CDH18: variants seen among roughly 807,000 people sequenced by gnomAD.
CDH18 encodes the protein cadherin 18, also known as cadherin-18.
In CDH18, 31 loss-of-function variants were observed where a neutral mutation model predicts 67.9. That is an observed-to-expected ratio of 0.46 (90% confidence interval 0.34 to 0.62). The LOEUF is 0.62. Among genes scored for constraint, CDH18 ranks in the 20% least tolerant of loss-of-function variants. The pLI is 0.01. For synonymous variants in CDH18, 362 were observed against 347.2 expected, an observed-to-expected ratio of 1.04 and a Z score of -0.48; for missense variants, 890 against 975.5, an observed-to-expected ratio of 0.91 and a Z score of 1.17.
At chr5:19,530,891 C>CATA (rs397802927) in intron 9 of CDH18, among the ~76,000 whole-genome samples, 2 of 151,356 alleles carry the variant, frequency 1.3e-5, no homozygotes, top group African/African-American at 2.4e-5. Flanking sequence ...CCGCAATATA[C>CATA]CCTTGCGCTT....
At chr5:20,349,738 A>G (rs181776618) in intron 1 of CDH18, among the ~76,000 whole-genome samples, 86 of 152,282 alleles carry the variant, frequency 5.6e-4, no homozygotes, top group South Asian at 1.0e-3. Flanking sequence ...CCAATTTTCA[A>G]AAGATAAGTC....
At chr5:20,125,895 C>A (rs974616267) in intron 2 of CDH18, among the ~76,000 whole-genome samples, 1 of 152,084 alleles carries the variant, frequency 6.6e-6, no homozygotes, top group African/African-American at 2.4e-5. Context: ...GCCCCAAAGC[C>A]ATCTACCAAT....
intron 2 of CDH18, among the ~76,000 whole-genome samples, chr5:19,894,418 C>T (rs1789087413): frequency 6.6e-6 from 1 of 151,664 alleles, no homozygotes; most frequent in South Asian, 2.1e-4. Context: ...GAGAAATAGA[C>T]ATAGTAAACA....
At chr5:20,117,009 A>ATGTGTG (rs112582550) in intron 2 of CDH18, among the ~76,000 whole-genome samples, 3 of 149,032 alleles carry the variant, frequency 2.0e-5, no homozygotes, top group South Asian at 2.1e-4. Context: ...GGAGAGATAA[A>ATGTGTG]TGTGTGTGTG....
chr5:19,679,467 G>C (rs1759957377), intron 5 of CDH18, among the ~76,000 whole-genome samples: 1 of 151,922 alleles, frequency 6.6e-6, no homozygotes, highest in South Asian at 2.1e-4. Flanking sequence ...AATCAGGAAA[G>C]AGAAAGAAAT....
At chr5:19,839,323 G>C (rs1473286455) in intron 2 of CDH18, 81 bp from the exon 3 acceptor site, 2 of 265,458 alleles carry the variant, frequency 7.5e-6, no homozygotes, top group Non-Finnish European at 1.5e-5. Context: ...ATACTATTTT[G>C]CAATGTGATA....
chr5:20,156,282 T>C (rs1280447177), intron 2 of CDH18, among the ~76,000 whole-genome samples: 1 of 152,182 alleles, frequency 6.6e-6, no homozygotes, highest in Non-Finnish European at 1.5e-5. Context: ...ACGCTCGTTA[T>C]GTTTATCACA....
intron 1 of CDH18, among the ~76,000 whole-genome samples, chr5:20,375,696 T>C (rs1331053150): frequency 6.6e-6 from 1 of 152,178 alleles, no homozygotes; most frequent in African/African-American, 2.4e-5. Flanking sequence ...CAGAGCATAA[T>C]TTTCCCTCTG....
At chr5:20,337,360 C>G (rs1391977417) in intron 1 of CDH18, among the ~76,000 whole-genome samples, 2 of 152,172 alleles carry the variant, frequency 1.3e-5, no homozygotes, top group East Asian at 1.9e-4. Flanking sequence ...TTATAAAACT[C>G]AATGCCTTTA....
chr5:20,039,517 C>T (rs1053456176), intron 2 of CDH18, among the ~76,000 whole-genome samples: 2 of 151,876 alleles, frequency 1.3e-5, no homozygotes, highest in African/African-American at 4.8e-5. Context: ...CAATGCAACA[C>T]AACAGAGGCC....
chr5:20,470,461 G>A (rs567262597), intron 1 of CDH18, among the ~76,000 whole-genome samples: 6 of 151,868 alleles, frequency 4.0e-5, no homozygotes, highest in East Asian at 3.9e-4. Context: ...ATACTCTCCC[G>A]GATGTCTATT....
chr5:20,533,525 G>A (rs929384924), intron 1 of CDH18, among the ~76,000 whole-genome samples: 5 of 152,014 alleles, frequency 3.3e-5, no homozygotes, highest in Non-Finnish European at 7.4e-5. Flanking sequence ...AGAACAAAAC[G>A]TGCTGATTTT....
intron 2 of CDH18, among the ~76,000 whole-genome samples, chr5:20,023,904 A>G (rs9292849): frequency 0.45 from 68,290 of 151,812 alleles, 16,151 homozygotes; most frequent in Middle Eastern, 0.68. Context: ...TTCATAACCA[A>G]CTCAATTCTG....
intron 2 of CDH18, among the ~76,000 whole-genome samples, chr5:20,093,102 T>C (rs1483172359): frequency 6.6e-6 from 1 of 152,104 alleles, no homozygotes; most frequent in Non-Finnish European, 1.5e-5. Context: ...CAAGGAATGC[T>C]GGCACACACC....
At chr5:20,331,802 G>A (rs1739215286) in intron 1 of CDH18, among the ~76,000 whole-genome samples, 1 of 152,146 alleles carries the variant, frequency 6.6e-6, no homozygotes, top group Admixed American at 6.5e-5. Flanking sequence ...CAGTAGCCAA[G>A]TTCAGGCTAT....
chr5:19,969,588 A>G (rs1464101071), intron 2 of CDH18, among the ~76,000 whole-genome samples: 1 of 150,894 alleles, frequency 6.6e-6, no homozygotes, highest in Non-Finnish European at 1.5e-5. Context: ...GTAAACTATC[A>G]CAAGGACAAA....
intron 2 of CDH18, among the ~76,000 whole-genome samples, chr5:20,017,448 G>A (rs148589842): frequency 3.2e-4 from 48 of 152,154 alleles, no homozygotes; most frequent in African/African-American, 1.0e-3. Context: ...CTAACAGACT[G>A]CTTACAAAAT....
chr5:20,554,080 G>A (rs1757779951), intron 1 of CDH18, among the ~76,000 whole-genome samples: 1 of 152,110 alleles, frequency 6.6e-6, no homozygotes, highest in African/African-American at 2.4e-5. Context: ...ATTTTTAAAT[G>A]TAATGTTTTA....
At chr5:20,250,076 A>G (rs578086164) in intron 2 of CDH18, among the ~76,000 whole-genome samples, 16 of 152,202 alleles carry the variant, frequency 1.1e-4, no homozygotes, top group Non-Finnish European at 2.4e-4. Flanking sequence ...TCAGAATGTT[A>G]TATTTTACAA....
Sources: gnomAD v4.1 joint callset for allele counts (sites outside exome capture counted in the v4.1 genomes callset) on GRCh38, gnomAD v4.1.1 for gene constraint, MANE v1.5 for transcripts, NCBI Gene and HGNC (gene_info 2026-07-23, HGNC 2026-07-21) for gene names.